Variants in KAZN observed in about 807,000 individuals in gnomAD.
KAZN encodes kazrin, periplakin interacting protein.
A neutral mutation model predicts 87.4 loss-of-function variants in KAZN; 40 were observed. That is an observed-to-expected ratio of 0.46 (90% CI 0.36 to 0.60). The LOEUF (loss-of-function observed/expected upper bound fraction) is 0.60. Among genes scored for constraint, KAZN ranks in the 20% least tolerant of loss-of-function variants. The probability of loss-of-function intolerance (pLI) is 0.00; values close to 1 mark genes in which losing one functional copy is unlikely to be tolerated. For synonymous variants in KAZN, 466 were observed against 458.3 expected, an observed-to-expected ratio of 1.02 and a Z score of -0.22; for missense variants, 898 against 1,073.9, an observed-to-expected ratio of 0.84 and a Z score of 2.29.
chr1:14,943,733 C>T (rs953229789), intron 1 of KAZN, among the ~76,000 whole-genome samples: 2 of 152,240 alleles, frequency 1.3e-5, no homozygotes, highest in Admixed American at 1.3e-4. Context: ...TTTCTAGCTG[C>T]TTAGACGGCA....
At chr1:14,047,492 A>G (rs1204669974) in intron 1 of KAZN, among the ~76,000 whole-genome samples, 1 of 152,148 alleles carries the variant, frequency 6.6e-6, no homozygotes, top group African/African-American at 2.4e-5. Flanking sequence ...CCTCACTCCA[A>G]ACAAACAACC....
chr1:14,115,987 G>A (rs1056101341), intron 1 of KAZN, among the ~76,000 whole-genome samples: 2 of 152,180 alleles, frequency 1.3e-5, no homozygotes, highest in African/African-American at 2.4e-5. Context: ...AAATGATTTA[G>A]GGTATCCGGA....
chr1:14,922,791 C>CA (rs35903866), intron 1 of KAZN, among the ~76,000 whole-genome samples: 29,566 of 75,160 alleles, frequency 0.39, 5,158 homozygotes, highest in Middle Eastern at 0.58. Context: ...GACTCTGTCT[C>CA]AAAAAAAAAA....
At chr1:14,639,356 C>T (rs988710459) in intron 1 of KAZN, among the ~76,000 whole-genome samples, 2 of 152,140 alleles carry the variant, frequency 1.3e-5, no homozygotes, top group Admixed American at 6.5e-5. Context: ...TGTAAAAATG[C>T]GATGCAGAAT....
chr1:14,474,893 G>A (rs745364851), intron 2 of KAZN, among the ~76,000 whole-genome samples: 1 of 152,172 alleles, frequency 6.6e-6, no homozygotes, highest in Non-Finnish European at 1.5e-5. Context: ...GGAAAGAATG[G>A]AAGAATGCAT....
intron 1 of KAZN, among the ~76,000 whole-genome samples, chr1:14,764,874 C>T (rs1251864453): frequency 6.6e-6 from 1 of 152,140 alleles, no homozygotes; most frequent in East Asian, 1.9e-4. Context: ...TCAATCCCCA[C>T]AAGAGTGCTG....
At chr1:14,491,468 A>C (rs963560735) in intron 2 of KAZN, among the ~76,000 whole-genome samples, 1 of 152,042 alleles carries the variant, frequency 6.6e-6, no homozygotes, top group Non-Finnish European at 1.5e-5. Flanking sequence ...CTACCCGCCG[A>C]CAGGTCCCGG....
chr1:14,505,967 C>T (rs1423261030), intron 2 of KAZN, among the ~76,000 whole-genome samples: 2 of 151,980 alleles, frequency 1.3e-5, no homozygotes, highest in African/African-American at 2.4e-5. Flanking sequence ...GAGCAAGACT[C>T]CATCTCAAAA....
At chr1:14,696,981 A>G (rs914048161) in intron 1 of KAZN, among the ~76,000 whole-genome samples, 3 of 152,008 alleles carry the variant, frequency 2.0e-5, no homozygotes, top group Non-Finnish European at 4.4e-5. Context: ...CTGGGAGTCA[A>G]CAACCCTTCT....
rs901695907 is a variant in KAZN at position 14,735,267 on chromosome 1, A to C, written c.226+136044A>C. 1.4e-4 allele frequency among the ~76,000 whole-genome samples: 22 copies of C among 152,046 alleles called. No homozygotes were observed. Among genetic ancestry groups the C allele is most frequent in the Non-Finnish European group, 2.6e-4 (18 of 67,990 alleles). ...AGTAGAGACGGGGTTTCACCGTGTT[A>C]GCCAGGATGGTCTCGATCTCCTGAC... is the stretch of plus-strand genomic sequence containing the variant. On this transcript the variant is annotated intron_variant, in intron 1 of 14. Transcript: ENST00000376030. The surrounding 1 kb of genome is among the most constrained non-coding windows in gnomAD (Gnocchi z 4.3).
intron 2 of KAZN, among the ~76,000 whole-genome samples, chr1:14,501,410 C>T (rs12139043): frequency 1.3e-5 from 2 of 152,020 alleles, no homozygotes; most frequent in African/African-American, 2.4e-5. Flanking sequence ...ATAAGTTCAA[C>T]GAAGTTGTAA....
At chr1:13,935,146 A>G (rs1371189622) in intron 1 of KAZN, among the ~76,000 whole-genome samples, 1 of 151,816 alleles carries the variant, frequency 6.6e-6, no homozygotes, top group African/African-American at 2.4e-5. Context: ...CTGAGGCAGG[A>G]GAATCGCATG....
chr1:14,041,719 G>A (rs897242106), intron 1 of KAZN, among the ~76,000 whole-genome samples: 2 of 152,038 alleles, frequency 1.3e-5, no homozygotes, highest in Non-Finnish European at 2.9e-5. Context: ...TTCTTTTTCA[G>A]TAGTTACTTC....
At chr1:14,359,918 G>T (rs1309431072) in intron 2 of KAZN, among the ~76,000 whole-genome samples, 1 of 152,042 alleles carries the variant, frequency 6.6e-6, no homozygotes, top group African/African-American at 2.4e-5. Context: ...TATGTCTTGT[G>T]GTTGCTCTTC....
At chr1:14,694,696 G>A (rs1361020028) in intron 1 of KAZN, among the ~76,000 whole-genome samples, 2 of 152,142 alleles carry the variant, frequency 1.3e-5, no homozygotes, top group African/African-American at 2.4e-5. Context: ...TAGGCTGGGC[G>A]ACTTAGGGAA....
At chr1:15,017,157 G>T (rs1467058535) in intron 2 of KAZN, among the ~76,000 whole-genome samples, 4 of 151,980 alleles carry the variant, frequency 2.6e-5, no homozygotes, top group East Asian at 3.9e-4. Context: ...AATTAGCCAG[G>T]CTTGGTGGCT....
chr1:14,853,487 A>T (rs774823925), intron 1 of KAZN, among the ~76,000 whole-genome samples: 2 of 152,170 alleles, frequency 1.3e-5, no homozygotes, highest in South Asian at 4.2e-4. Flanking sequence ...CATCTGAGGC[A>T]CAGCTTACAT....
rs1359279717 is a variant in KAZN at position 14,833,323 on chromosome 1, G to C, written c.227-127361G>C. ...CTTGGGCTGGGATCTCCTAGAAACAGACCCTGAAACAAATGTGTGAGTACT... is the reference window on the plus strand; with the variant it reads ...CTTGGGCTGGGATCTCCTAGAAACACACCCTGAAACAAATGTGTGAGTACT... On this transcript the variant is annotated intron_variant, in intron 1 of 14. Coordinates refer to ENST00000376030, the MANE Select transcript of KAZN (RefSeq NM_201628.3). Among the ~76,000 whole-genome samples, 5 of 152,106 alleles carry C rather than the reference G, an allele frequency of 3.3e-5. No homozygotes were observed. In the East Asian group the frequency reaches 9.7e-4, roughly 29 times the overall value.
chr1:13,982,585 C>G lies in KAZN; in HGVS notation c.91+88829C>G, dbSNP rs571876031. On this transcript the variant is annotated intron_variant, in intron 1 of 16. Transcript: ENST00000636203. ...CTGGCTCGGGCAGCCTGCTTTTATT[C>G]TCTTATCTGGCCCCACCCACATCCT... Among the ~76,000 whole-genome samples the G allele has an allele frequency of 1.2e-4, 19 of 152,340 alleles. 1 individual carries two copies. In the South Asian group the frequency reaches 3.9e-3, roughly 32 times the overall value.
Sources: allele counts gnomAD v4.1 joint callset (sites outside exome capture counted in the v4.1 genomes callset), GRCh38; gene constraint gnomAD v4.1.1; non-coding constraint Gnocchi (gnomAD v3.1); transcripts MANE v1.5; gene names NCBI Gene and HGNC (gene_info 2026-07-23, HGNC 2026-07-21).